NEO1: variants seen among roughly 807,000 people sequenced by gnomAD.
NEO1 encodes neogenin.
In NEO1, 63 loss-of-function variants were observed where a neutral mutation model predicts 159.7. That is an observed-to-expected ratio of 0.39 (90% CI 0.32 to 0.49). NEO1 has a LOEUF of 0.49. Ranked by LOEUF, NEO1 falls within the 20% of genes least tolerant of loss-of-function variation. The pLI, the probability that NEO1 is intolerant of heterozygous loss-of-function variation, is 0.85. For synonymous variants in NEO1, 633 were observed against 662.0 expected (o/e 0.96, Z 0.67); for missense variants, 1,615 against 1,831.0 (o/e 0.88, Z 2.15).
In NEO1 at chr15:73,136,013, A is replaced by C; in HGVS notation, c.1001A>C (p.Glu334Ala). Residue 334 changes from glutamate (E) to alanine (A), a missense_variant, in exon 5 of 29, where the codon GAG (glutamate) becomes GCG (alanine). Around this residue, in one of 3 missense-constraint regions of NEO1, gnomAD observed 1,018 missense variants for 1,115.4 expected, o/e 0.91. Transcript: ENST00000261908. ...AATGAGACAATTGAAGCTCAAGCAG[A>C]GCTTACAGTGCAAGGTATGTAAATA... ...NGNETIEAQA[E>A]LTVQAQPEFL... is the part of the protein sequence containing the mutation. 6.2e-7 allele frequency: 1 copy of C among 1,610,174 alleles called. No individual in the cohort carries two copies. Among genetic ancestry groups the C allele is most frequent in the Non-Finnish European group, 8.5e-7 (1 of 1,179,028 alleles).
chr15:73,122,848 A>G, intron 3 of NEO1, 48 bp downstream of exon 3: 2 of 1,597,742 alleles, frequency 1.3e-6, no homozygotes, highest in Non-Finnish European at 1.7e-6. Flanking sequence ...ATGAATGGGT[A>G]AACATTGTTC....
At position 73,219,878 on chromosome 15, in the gene NEO1, A is replaced by G. The variant is rs527587780; in HGVS notation, c.1292-16469A>G. On this transcript the variant is annotated intron_variant, in intron 7 of 28. Transcript: ENST00000261908. Reference sequence around the variant, plus strand: ...CTGATGGGTCTTGACTCTTTATCCAATTTGCCAGTCTGTGTCTTGTAATTG... The same window carrying G: ...CTGATGGGTCTTGACTCTTTATCCAGTTTGCCAGTCTGTGTCTTGTAATTG... Among the ~76,000 whole-genome samples, 12 of 150,842 alleles carry G rather than the reference A, an allele frequency of 8.0e-5. No individual in the cohort carries two copies. The East Asian group carries it at 2.2e-3, about 27-fold the overall frequency.
intron 3 of NEO1, among the ~76,000 whole-genome samples, chr15:73,124,754 T>C (rs1267673029): frequency 1.3e-5 from 2 of 152,170 alleles, no homozygotes; most frequent in Non-Finnish European, 2.9e-5. Context: ...CTTCAGAACA[T>C]ATTACCATCT....
intron 5 of NEO1, among the ~76,000 whole-genome samples, chr15:73,161,168 G>C (rs916733381): frequency 6.6e-6 from 1 of 152,044 alleles, no homozygotes; most frequent in Admixed American, 6.6e-5. Flanking sequence ...GTCATACTTA[G>C]TCCTCCCTCC....
chr15:73,259,435 C>T (rs908354224), intron 14 of NEO1, among the ~76,000 whole-genome samples: 6 of 143,952 alleles, frequency 4.2e-5, no homozygotes, highest in African/African-American at 1.5e-4. Context: ...TCATGGTTCA[C>T]TGCAGCCTCG....
At chr15:73,193,272 TA>T (rs1194054912) in intron 7 of NEO1, among the ~76,000 whole-genome samples, 1 of 151,974 alleles carries the variant, frequency 6.6e-6, no homozygotes, top group Non-Finnish European at 1.5e-5. Context: ...TATAGGCTAT[TA>T]GGGGAGATAA....
At chr15:73,207,500 T>C (rs1284323673) in intron 7 of NEO1, among the ~76,000 whole-genome samples, 3 of 152,188 alleles carry the variant, frequency 2.0e-5, no homozygotes, top group Non-Finnish European at 4.4e-5. Flanking sequence ...AGGCCCAGCT[T>C]TAAATGCCAC....
At chr15:73,286,571 C>A (rs1567698712) in intron 23 of NEO1, among the ~76,000 whole-genome samples, 1 of 152,168 alleles carries the variant, frequency 6.6e-6, no homozygotes, top group Admixed American at 6.5e-5. Flanking sequence ...CAGCCAAGGC[C>A]TCCCTCCTCT....
intron 8 of NEO1, among the ~76,000 whole-genome samples, chr15:73,240,862 AATTT>A (rs1322853152): frequency 6.6e-6 from 1 of 152,198 alleles, no homozygotes; most frequent in East Asian, 1.9e-4. Flanking sequence ...AGGAGAAGTT[AATTT>A]TTTTAAGTCG....
intron 4 of NEO1, among the ~76,000 whole-genome samples, chr15:73,131,063 A>C (rs915084873): frequency 6.6e-5 from 10 of 152,198 alleles, no homozygotes; most frequent in East Asian, 3.9e-4. Context: ...GCACCCCCCC[A>C]CACACACCCA....
In NEO1 at chr15:73,304,582, T is replaced by G. The variant is rs897738677; in HGVS notation, c.*1886T>G. On this transcript the variant is annotated 3_prime_UTR_variant, in exon 29 of 29. Transcript: ENST00000261908. ...AATGCAGGAACTGCTGCTGCCGAGC[T>G]CGCTGGTCACATGGGGGTGCCAGGC... 6.6e-6 allele frequency: 1 copy of G among 152,250 alleles called. No homozygotes were observed. The highest frequency in any genetic ancestry group is 1.5e-5 in the Non-Finnish European group (1 of 68,078). The allele number at this position is 152,250 out of a possible 1,614,324, so 9.4% of individuals were successfully genotyped here.
At chr15:73,130,639 G>T (rs2030988347) in intron 4 of NEO1, among the ~76,000 whole-genome samples, 1 of 152,172 alleles carries the variant, frequency 6.6e-6, no homozygotes, top group Admixed American at 6.5e-5. Context: ...TTGCTAAGTG[G>T]TGTCAAAGTT....
chr15:73,294,408 A>G lies in NEO1; in HGVS notation c.3901+860A>G, dbSNP rs1164089269. Reference sequence around the variant, plus strand: ...TAATAGTTATTATGTTACTGATAGAACTGAGTTTTGCTGGTCTGGGGAATA... The same window carrying G: ...TAATAGTTATTATGTTACTGATAGAGCTGAGTTTTGCTGGTCTGGGGAATA... On this transcript the variant is annotated intron_variant, in intron 26 of 28. Transcript: ENST00000261908. Among the ~76,000 whole-genome samples, 3 of 152,202 alleles carry G rather than the reference A, an allele frequency of 2.0e-5. No individual in the cohort carries two copies. In the East Asian group the frequency reaches 5.8e-4, roughly 29 times the overall value.
At chr15:73,063,670 G>A (rs1168702234) in intron 1 of NEO1, among the ~76,000 whole-genome samples, 3 of 151,102 alleles carry the variant, frequency 2.0e-5, no homozygotes, top group Non-Finnish European at 4.4e-5. Flanking sequence ...GGCCAGGAGG[G>A]TAAAATACAG....
chr15:73,262,398 C>G (rs1329177621), intron 15 of NEO1, among the ~76,000 whole-genome samples: 5 of 152,086 alleles, frequency 3.3e-5, no homozygotes, highest in African/African-American at 9.7e-5. Context: ...TATAAAAACT[C>G]TTACAACTCA....
chr15:73,260,572 T>A, intron 15 of NEO1, 107 bp downstream of exon 15: 2 of 992,952 alleles, frequency 2.0e-6, no homozygotes, highest in Non-Finnish European at 1.4e-6. Flanking sequence ...ATAGTACAAG[T>A]AATTTCTGCA....
chr15:73,233,495 A>G lies in NEO1; in HGVS notation c.1292-2852A>G, dbSNP rs188315968. Among the ~76,000 whole-genome samples, 11 of 152,336 alleles carry G rather than the reference A, an allele frequency of 7.2e-5. No homozygotes were observed. In the East Asian group the frequency reaches 1.7e-3, roughly 24 times the overall value. On this transcript the variant is annotated intron_variant, in intron 7 of 28. Transcript: ENST00000261908. ...GAATTTCCTTCCATTTATTAATTCA[A>G]TAAATGTACACTTGGTTATCTAAAG...
rs555339294 is a variant in NEO1, at chr15:73,253,390, G to C, written c.1895-10G>C. On this transcript the variant is annotated splice_polypyrimidine_tract_variant and intron_variant, in intron 11 of 28. Coordinates refer to ENST00000261908, the MANE Select transcript of NEO1 (RefSeq NM_002499.4). Reference sequence around the variant, plus strand: ...AAAAAAAAATTTTTTTTTTTTTTTTGTTTCTCTAGTTCCCAGTGCTGCTCC... The same window carrying C: ...AAAAAAAAATTTTTTTTTTTTTTTTCTTTCTCTAGTTCCCAGTGCTGCTCC... 2.1e-6 allele frequency: 3 copies of C among 1,410,942 alleles called. No homozygotes were observed. The highest frequency in any genetic ancestry group is 1.5e-5 in the South Asian group (1 of 65,180). 87.4% of individuals were successfully genotyped at this position (1,410,942 alleles called of 1,614,324 possible). A position where few individuals can be genotyped will look rare whatever the true frequency, so the allele number is the denominator to read the frequency against.
In NEO1 at chr15:73,116,585, C is replaced by T. The variant is rs1478892223; in HGVS notation, c.176C>T (p.Pro59Leu). The T allele has an allele frequency of 1.3e-6, 2 of 1,558,642 alleles. No homozygotes were observed. Among genetic ancestry groups the T allele is most frequent in the Non-Finnish European group, 8.6e-7 (1 of 1,157,582 alleles). The change falls in exon 2 of 29, where the codon CCG becomes CTG. Residue 59 changes from proline to leucine, a missense_variant. Physicochemically the swap from Pro to Leu is moderately conservative, Grantham distance 98. Coordinates refer to ENST00000261908, the MANE Select transcript of NEO1 (RefSeq NM_002499.4). The part of the protein sequence containing the change: ...TFTPFYFLVE[P>L]VDTLSVRGSS... Reference sequence around the variant, plus strand: ...ACTCCATTTTATTTTCTGGTGGAGCCGGTGGATACACTCTCAGTTAGAGGC... The same window carrying T: ...ACTCCATTTTATTTTCTGGTGGAGCTGGTGGATACACTCTCAGTTAGAGGC...
Sources: allele counts gnomAD v4.1 joint callset (sites outside exome capture counted in the v4.1 genomes callset), GRCh38; gene constraint gnomAD v4.1.1; regional missense constraint gnomAD v4.1.1; transcripts MANE v1.5; gene names NCBI Gene and HGNC (gene_info 2026-07-23, HGNC 2026-07-21).